TBC1D19: variants seen among roughly 807,000 people sequenced by gnomAD.
The protein encoded by TBC1D19 is TBC1 domain family member 19, also known as TBC1 domain family, member 19.
TBC1D19 carries 60 observed loss-of-function variants against 89.0 expected under a neutral mutation model. The ratio of observed to expected loss-of-function variants is 0.67; its 90% confidence interval spans 0.55 to 0.84. The LOEUF (loss-of-function observed/expected upper bound fraction) is 0.84, where lower values mean the gene tolerates loss of function less well. TBC1D19 is among the 40% of genes least tolerant of loss of function. The pLI is 0.00. For missense variants in TBC1D19, 500 were observed against 610.8 expected (o/e 0.82, Z 1.91); for synonymous variants, 189 against 199.7 (o/e 0.95, Z 0.45).
At chr4:26,615,117 A>T (rs1348858987) in intron 3 of TBC1D19, among the ~76,000 whole-genome samples, 3 of 151,992 alleles carry the variant, frequency 2.0e-5, no homozygotes, top group Non-Finnish European at 4.4e-5. Context: ...ACACTTTTTT[A>T]TGTCTTTATA....
At chr4:26,781,409 A>G in the TBC1D19 span, among the ~76,000 whole-genome samples, 1 of 152,126 alleles carries the variant, frequency 6.6e-6, no homozygotes, top group South Asian at 2.1e-4. Flanking sequence ...AGACGGGGGA[A>G]ATAAAACCTC....
At chr4:26,580,961 A>T (rs1402620627), upstream of TBC1D19, among the ~76,000 whole-genome samples, 1 of 152,206 alleles carries the variant, frequency 6.6e-6, no homozygotes, top group Non-Finnish European at 1.5e-5. Flanking sequence ...AGGTCTGAGA[A>T]AGGCAGGGTT....
At chr4:26,601,759 C>A (rs1185453056) in intron 1 of TBC1D19, among the ~76,000 whole-genome samples, 1 of 152,144 alleles carries the variant, frequency 6.6e-6, no homozygotes. Context: ...GGAGTGAGTG[C>A]TTTAGCTTCA....
intron 4 of TBC1D19, among the ~76,000 whole-genome samples, chr4:26,629,695 T>C (rs1406482662): frequency 6.6e-6 from 1 of 152,034 alleles, no homozygotes; most frequent in African/African-American, 2.4e-5. Context: ...TGCTTAAATA[T>C]GACATGCTGT....
chr4:26,593,291 G>C (rs1487713194), intron 1 of TBC1D19, among the ~76,000 whole-genome samples: 1 of 152,044 alleles, frequency 6.6e-6, no homozygotes, highest in African/African-American at 2.4e-5. Flanking sequence ...GCCATATGTA[G>C]AAAGCTGAAA....
chr4:26,759,404 A>G (rs974744748), downstream of TBC1D19, among the ~76,000 whole-genome samples: 4 of 152,232 alleles, frequency 2.6e-5, no homozygotes, highest in East Asian at 7.7e-4. Context: ...AAAAAATGAA[A>G]TGGTTCAGTC....
At chr4:26,654,606 C>T (rs542138172) in intron 7 of TBC1D19, among the ~76,000 whole-genome samples, 1 of 152,230 alleles carries the variant, frequency 6.6e-6, no homozygotes, top group Admixed American at 6.5e-5. Flanking sequence ...AATTTCTCTT[C>T]TCACTTAATT....
intron 20 of TBC1D19, 117 bp from the exon 21 acceptor site, chr4:26,754,756 A>G: frequency 1.4e-6 from 1 of 736,492 alleles, no homozygotes. Flanking sequence ...CTTTAGTATT[A>G]AGATTTAGGA....
chr4:26,728,492 A>C (rs1717452009), intron 15 of TBC1D19, among the ~76,000 whole-genome samples: 1 of 152,220 alleles, frequency 6.6e-6, no homozygotes, highest in Non-Finnish European at 1.5e-5. Flanking sequence ...AAATAACATG[A>C]AACAGCAGAG....
chr4:26,711,721 G>T (rs923553083), intron 13 of TBC1D19, among the ~76,000 whole-genome samples: 1 of 151,924 alleles, frequency 6.6e-6, no homozygotes, highest in African/African-American at 2.4e-5. Context: ...ATTAATCCAG[G>T]TTAGATTTTC....
At chr4:26,842,340 C>CTTTT in the TBC1D19 span, among the ~76,000 whole-genome samples, 160 of 81,590 alleles carry the variant, frequency 2.0e-3, no homozygotes, top group East Asian at 3.5e-3. Context: ...CTTTTCTTTT[C>CTTTT]TTTTTTTTTT....
upstream of TBC1D19, among the ~76,000 whole-genome samples, chr4:26,579,914 G>A (rs73114613): frequency 1.8e-3 from 272 of 152,274 alleles, 2 homozygotes; most frequent in African/African-American, 6.3e-3. Context: ...AAGTCAATAC[G>A]CTAAGCATGG....
chr4:26,684,803 AACTATT>A (rs1713668050), intron 12 of TBC1D19, among the ~76,000 whole-genome samples: 1 of 152,168 alleles, frequency 6.6e-6, no homozygotes, highest in Non-Finnish European at 1.5e-5. Context: ...GGGTAATAAT[AACTATT>A]ACTAACAAAT....
At chr4:26,596,258 A>G (rs763763251) in intron 1 of TBC1D19, among the ~76,000 whole-genome samples, 1 of 152,126 alleles carries the variant, frequency 6.6e-6, no homozygotes, top group Non-Finnish European at 1.5e-5. Context: ...TGCTCGGCCC[A>G]TACAGATTGC....
chr4:26,790,053 T>A, the TBC1D19 span, among the ~76,000 whole-genome samples: 18 of 151,630 alleles, frequency 1.2e-4, no homozygotes, highest in Non-Finnish European at 2.1e-4. Context: ...GGAAGGAGGG[T>A]GAGGAATGAG....
At chr4:26,810,931 G>A in the TBC1D19 span, among the ~76,000 whole-genome samples, 2 of 152,132 alleles carry the variant, frequency 1.3e-5, no homozygotes, top group Non-Finnish European at 2.9e-5. Flanking sequence ...TTCCACCACT[G>A]TGGAAGACAG....
the TBC1D19 span, among the ~76,000 whole-genome samples, chr4:26,816,259 G>A: frequency 6.6e-6 from 1 of 152,002 alleles, no homozygotes; most frequent in Non-Finnish European, 1.5e-5. Context: ...TTTTTTTATG[G>A]AGCAATTGCT....
the TBC1D19 span, among the ~76,000 whole-genome samples, chr4:26,798,384 TA>T: frequency 1.3e-5 from 2 of 152,102 alleles, no homozygotes; most frequent in Non-Finnish European, 2.9e-5. Flanking sequence ...TGGCTATTAT[TA>T]AAAAGTCAAA....
chr4:26,818,944 T>A, the TBC1D19 span, among the ~76,000 whole-genome samples: 2 of 152,198 alleles, frequency 1.3e-5, no homozygotes, highest in East Asian at 3.8e-4. Flanking sequence ...GCATCCTTCC[T>A]AATGTCAGGT....
Sources: allele counts gnomAD v4.1 joint callset (sites outside exome capture counted in the v4.1 genomes callset), GRCh38; gene constraint gnomAD v4.1.1; transcripts MANE v1.5; gene names NCBI Gene and HGNC (gene_info 2026-07-23, HGNC 2026-07-21).